Variants in THSD7A observed in about 807,000 individuals in gnomAD.
THSD7A encodes the protein thrombospondin type 1 domain containing 7A.
Under a neutral mutation model 231.3 loss-of-function variants are expected in THSD7A, and 96 were observed. The observed-to-expected ratio is 0.41, with a 90% CI of 0.35 to 0.49. THSD7A has a LOEUF of 0.49. Among genes scored for constraint, THSD7A ranks in the 20% least tolerant of loss-of-function variants. The pLI is 0.05. For missense variants in THSD7A, 2,290 were observed against 2,070.2 expected, an observed-to-expected ratio of 1.11 and a Z score of -2.06; for synonymous variants, 940 against 743.3, an observed-to-expected ratio of 1.26 and a Z score of -4.30.
At chr7:11,551,081 AAACC>A (rs1360181250) in intron 4 of THSD7A, among the ~76,000 whole-genome samples, 1 of 152,006 alleles carries the variant, frequency 6.6e-6, no homozygotes, top group African/African-American at 2.4e-5. Context: ...AGGTCAACAA[AAACC>A]AATACGGAAA....
At chr7:11,422,389 T>G (rs946999521) in intron 16 of THSD7A, among the ~76,000 whole-genome samples, 1 of 152,102 alleles carries the variant, frequency 6.6e-6, no homozygotes, top group Admixed American at 6.5e-5. Context: ...GCAGGACATT[T>G]TGACCTTCAT....
At chr7:11,551,947 T>G (rs914424999) in intron 4 of THSD7A, among the ~76,000 whole-genome samples, 1 of 152,062 alleles carries the variant, frequency 6.6e-6, no homozygotes, top group Non-Finnish European at 1.5e-5. Context: ...TCAACCTAGA[T>G]GCCCATCAAC....
intron 1 of THSD7A, among the ~76,000 whole-genome samples, chr7:11,730,311 A>AT (rs1362749667): frequency 2.6e-5 from 4 of 151,608 alleles, no homozygotes; most frequent in African/African-American, 9.7e-5. Flanking sequence ...TGTAATTTAC[A>AT]TTTTTGTATT....
intron 5 of THSD7A, among the ~76,000 whole-genome samples, chr7:11,542,626 G>A (rs1789200532): frequency 1.3e-5 from 2 of 152,192 alleles, no homozygotes; most frequent in South Asian, 4.2e-4. Context: ...AGGGGACAAA[G>A]GTTTAGATAT....
At chr7:11,543,226 A>C in intron 4 of THSD7A, 109 bp from the exon 5 acceptor site, 1 of 906,330 alleles carries the variant, frequency 1.1e-6, no homozygotes, top group Non-Finnish European at 1.6e-6. Context: ...AAGAAGTGCT[A>C]CCAAGACATT....
At chr7:11,482,242 A>G (rs2128304936) in intron 6 of THSD7A, among the ~76,000 whole-genome samples, 1 of 152,312 alleles carries the variant, frequency 6.6e-6, no homozygotes, top group Non-Finnish European at 1.5e-5. Context: ...TGCTGAGACG[A>G]TTCTTATGCC....
Position 11,406,214 on chromosome 7 carries a change from T to C in THSD7A, c.4237+86A>G. The C allele has an allele frequency of 3.7e-6, 5 of 1,336,996 alleles. No homozygotes were observed. The highest frequency in any genetic ancestry group is 5.1e-6 in the Non-Finnish European group (5 of 973,488). The allele number at this position is 1,336,996 out of a possible 1,614,324, so 82.8% of individuals were successfully genotyped here. A position where few individuals can be genotyped will look rare whatever the true frequency, so the allele number is the denominator to read the frequency against. ...GAATAAGAAGACTGTTGACATCCTGTAACTTATACTTTATATGCAACCCCT... is the reference window on the plus strand; with the variant it reads ...GAATAAGAAGACTGTTGACATCCTGCAACTTATACTTTATATGCAACCCCT... On this transcript the variant is annotated intron_variant, in intron 22 of 27. Transcript: ENST00000423059. The surrounding 1 kb of genome is among the most constrained non-coding windows in gnomAD (Gnocchi z 4.7).
intron 1 of THSD7A, among the ~76,000 whole-genome samples, chr7:11,753,607 T>C (rs1475162030): frequency 1.3e-5 from 2 of 151,694 alleles, no homozygotes; most frequent in African/African-American, 4.8e-5. Flanking sequence ...CCCCTACCAT[T>C]GTTTCTGCTA....
chr7:11,784,909 G>A (rs1783741607), intron 1 of THSD7A, among the ~76,000 whole-genome samples: 1 of 152,110 alleles, frequency 6.6e-6, no homozygotes, highest in Non-Finnish European at 1.5e-5. Flanking sequence ...ACCAGTGTGG[G>A]ACAACTGTAA....
chr7:11,807,421 T>C (rs1040131438), intron 1 of THSD7A, among the ~76,000 whole-genome samples: 1 of 152,186 alleles, frequency 6.6e-6, no homozygotes, highest in Non-Finnish European at 1.5e-5. Flanking sequence ...AGAGGGACTA[T>C]AATTATTTTT....
intron 2 of THSD7A, among the ~76,000 whole-genome samples, chr7:11,597,537 C>G (rs1780407710): frequency 6.6e-6 from 1 of 152,126 alleles, no homozygotes; most frequent in African/African-American, 2.4e-5. Context: ...CTGTTTGGAG[C>G]CTTTGGCAGG....
chr7:11,636,142 G>C lies in THSD7A; in HGVS notation c.1010C>G (p.Ala337Gly), dbSNP rs770034783. The change falls in exon 2 of 28, where the codon GCT becomes GGT. Residue 337 changes from alanine (A) to glycine (G), a missense_variant. By Grantham distance (60) the Ala-to-Gly change is moderately conservative. Coordinates refer to ENST00000423059, the MANE Select transcript of THSD7A (RefSeq NM_015204.3). This position sits in a 1 kb window ranked among gnomAD's most constrained non-coding sequence, Gnocchi z 10.0. ...ATTAAAATGTTACCTTAAATCAGCAGCTTTCCCCGTCTTGTTAATGCACAT... is the reference window on the plus strand; with the variant it reads ...ATTAAAATGTTACCTTAAATCAGCACCTTTCCCCGTCTTGTTAATGCACAT... ...EVMCINKTGK[A>G]ADLSFCQQEK... 241 of 1,610,604 alleles carry C rather than the reference G, an allele frequency of 1.5e-4. 2 individuals are homozygous for C. Among genetic ancestry groups the C allele is most frequent in the Non-Finnish European group, 1.9e-4 (226 of 1,178,340 alleles).
chr7:11,568,239 A>G (rs76216231), intron 4 of THSD7A, among the ~76,000 whole-genome samples: 1 of 152,190 alleles, frequency 6.6e-6, no homozygotes, highest in Non-Finnish European at 1.5e-5. Flanking sequence ...GACAGAAACA[A>G]TGAGAGAACC....
intron 6 of THSD7A, among the ~76,000 whole-genome samples, chr7:11,489,843 C>A (rs1277221723): frequency 6.6e-6 from 1 of 152,008 alleles, no homozygotes; most frequent in African/African-American, 2.4e-5. Context: ...TTAACAAACC[C>A]TTGATATTCA....
At chr7:11,684,124 CA>C (rs1303028732) in intron 1 of THSD7A, among the ~76,000 whole-genome samples, 1 of 151,494 alleles carries the variant, frequency 6.6e-6, no homozygotes, top group Non-Finnish European at 1.5e-5. Context: ...GAGTTAAAAA[CA>C]AAAAAACTCC....
At chr7:11,623,801 G>A (rs188774846) in intron 2 of THSD7A, among the ~76,000 whole-genome samples, 1 of 152,148 alleles carries the variant, frequency 6.6e-6, no homozygotes, top group African/African-American at 2.4e-5. Context: ...ATCATGAAAG[G>A]TTAGAACAAA....
chr7:11,446,016 A>G lies in THSD7A; in HGVS notation c.3064+45T>C. ...TATGATGCGTGTGCATTTTCCCTCC[A>G]CACTCCCGAAGATAGCAAATATGTA... On this transcript the variant is annotated intron_variant, in intron 13 of 27. Coordinates refer to ENST00000423059, the MANE Select transcript of THSD7A (RefSeq NM_015204.3). This position sits in a 1 kb window ranked among gnomAD's most constrained non-coding sequence, Gnocchi z 4.0. The G allele has an allele frequency of 6.2e-7, 1 of 1,607,796 alleles. No homozygotes were observed. Among genetic ancestry groups the G allele is most frequent in the Non-Finnish European group, 8.5e-7 (1 of 1,175,618 alleles).
At chr7:11,781,182 T>G (rs1783618829) in intron 1 of THSD7A, among the ~76,000 whole-genome samples, 1 of 151,982 alleles carries the variant, frequency 6.6e-6, no homozygotes, top group African/African-American at 2.4e-5. Context: ...GGCTCATGCC[T>G]GTAATCTCAA....
chr7:11,750,652 A>G (rs1782468688), intron 1 of THSD7A, among the ~76,000 whole-genome samples: 1 of 151,938 alleles, frequency 6.6e-6, no homozygotes, highest in East Asian at 1.9e-4. Context: ...CTGCACGGGG[A>G]CTACTGGATG....
Sources: gnomAD v4.1 joint callset for allele counts (sites outside exome capture counted in the v4.1 genomes callset) on GRCh38, gnomAD v4.1.1 for gene constraint, Gnocchi (gnomAD v3.1) non-coding constraint, MANE v1.5 for transcripts, NCBI Gene and HGNC (gene_info 2026-07-23, HGNC 2026-07-21) for gene names.